The following ADAM32 variants were observed in gnomAD, a reference collection of about 807,000 sequenced individuals.
ADAM32 encodes the protein ADAM metallopeptidase domain 32.
A neutral mutation model predicts 114.9 loss-of-function variants in ADAM32; 89 were observed. The ratio of observed to expected loss-of-function variants is 0.77; its 90% confidence interval spans 0.65 to 0.92. The LOEUF (loss-of-function observed/expected upper bound fraction) is 0.92, where lower values mean the gene tolerates loss of function less well. Ranked by LOEUF, ADAM32 falls within the 40% of genes least tolerant of loss-of-function variation. The pLI is 0.00. For synonymous variants in ADAM32, 285 were observed against 307.5 expected (o/e 0.93, Z 0.77); for missense variants, 870 against 932.8 (o/e 0.93, Z 0.88).
At chr8:39,160,793 C>T in intron 6 of ADAM32, 104 bp from the exon 7 acceptor site, 1 of 979,460 alleles carries the variant, frequency 1.0e-6, no homozygotes. Context: ...AAGCAAACAC[C>T]TCTGCATATC....
chr8:39,138,301 C>T, intron 3 of ADAM32, among the ~76,000 whole-genome samples: 1 of 152,236 alleles, frequency 6.6e-6, no homozygotes, highest in South Asian at 2.1e-4. Context: ...TTAGGTATTT[C>T]TCCTAAAGCT....
intron 19 of ADAM32, among the ~76,000 whole-genome samples, chr8:39,268,396 T>G (rs920349037): frequency 6.6e-6 from 1 of 152,228 alleles, no homozygotes; most frequent in Non-Finnish European, 1.5e-5. Flanking sequence ...TCTGGAGAAA[T>G]GTCTATTCAA....
chr8:39,246,511 GT>G (rs1810935891), intron 17 of ADAM32, among the ~76,000 whole-genome samples: 1 of 152,094 alleles, frequency 6.6e-6, no homozygotes, highest in Non-Finnish European at 1.5e-5. Context: ...AAAAACTATT[GT>G]TTTATTTATC....
intron 1 of ADAM32, among the ~76,000 whole-genome samples, chr8:39,109,280 G>A (rs1316680370): frequency 6.6e-6 from 1 of 152,142 alleles, no homozygotes; most frequent in Non-Finnish European, 1.5e-5. Flanking sequence ...GGTGGCTCAC[G>A]CCTGTAATCC....
chr8:39,252,160 G>A (rs1246875615), intron 17 of ADAM32, among the ~76,000 whole-genome samples: 1 of 151,634 alleles, frequency 6.6e-6, no homozygotes, highest in Non-Finnish European at 1.5e-5. Context: ...TATGCATTTG[G>A]CTTTGTTCTT....
intron 19 of ADAM32, among the ~76,000 whole-genome samples, chr8:39,267,474 A>T (rs968627350): frequency 3.9e-5 from 6 of 152,106 alleles, no homozygotes; most frequent in African/African-American, 1.4e-4. Context: ...TAATTTTTTT[A>T]AATCTATTTA....
intron 22 of ADAM32, among the ~76,000 whole-genome samples, chr8:39,277,264 G>C (rs1054710287): frequency 6.6e-6 from 1 of 152,184 alleles, no homozygotes; most frequent in Non-Finnish European, 1.5e-5. Context: ...AATAGACATC[G>C]TTTAATTTGC....
chr8:39,120,356 GTAATTC>G (rs1327079232), intron 2 of ADAM32, among the ~76,000 whole-genome samples: 1 of 152,156 alleles, frequency 6.6e-6, no homozygotes, highest in East Asian at 1.9e-4. Flanking sequence ...GATGCTAAAG[GTAATTC>G]TAATGAAGGA....
chr8:39,283,389 T>G (rs1564751711), intron 23 of ADAM32, among the ~76,000 whole-genome samples, 197 bp from the exon 24 acceptor site: 1 of 121,092 alleles, frequency 8.3e-6, no homozygotes, highest in South Asian at 2.4e-4. Flanking sequence ...CTAACCTGAG[T>G]GGCAAAGTGA....
intron 19 of ADAM32, among the ~76,000 whole-genome samples, chr8:39,268,828 A>C (rs1812530527): frequency 6.6e-6 from 1 of 152,204 alleles, no homozygotes; most frequent in African/African-American, 2.4e-5. Flanking sequence ...TACACCATTG[A>C]TTTTAAACTT....
At chr8:39,161,206 C>T (rs770729373) in intron 7 of ADAM32, among the ~76,000 whole-genome samples, 3 of 152,150 alleles carry the variant, frequency 2.0e-5, no homozygotes, top group Non-Finnish European at 4.4e-5. Context: ...TTTTCCCTGG[C>T]ACTTCACATT....
intron 14 of ADAM32, among the ~76,000 whole-genome samples, chr8:39,229,296 C>T (rs1171469275): frequency 6.6e-6 from 1 of 151,968 alleles, no homozygotes; most frequent in Non-Finnish European, 1.5e-5. Flanking sequence ...ACAAAAAACC[C>T]AAAGCACAGA....
chr8:39,283,727 T>C, intron 24 of ADAM32, 103 bp downstream of exon 24: 2 of 882,744 alleles, frequency 2.3e-6, no homozygotes, highest in Non-Finnish European at 3.5e-6. Context: ...GGTAGATGAA[T>C]TGGTAAAGTA....
At chr8:39,269,660 T>C (rs1812586052) in intron 19 of ADAM32, among the ~76,000 whole-genome samples, 1 of 152,242 alleles carries the variant, frequency 6.6e-6, no homozygotes, top group African/African-American at 2.4e-5. Flanking sequence ...TCTTGCTGCG[T>C]GAATTCATGT....
rs567945304 is a variant in ADAM32 at position 39,110,221 on chromosome 8, A to G, written c.58+2388A>G. Among the ~76,000 whole-genome samples the G allele has an allele frequency of 2.7e-3, 414 of 152,246 alleles. 1 individual carries two copies. Among genetic ancestry groups the G allele is most frequent in the African/African-American group, 9.5e-3 (395 of 41,534 alleles). On this transcript the variant is annotated intron_variant, in intron 1 of 24. Coordinates refer to ENST00000379907, the MANE Select transcript of ADAM32 (RefSeq NM_145004.7). Reference sequence around the variant, plus strand: ...ATAGCTGGGATTACAGGTGCCTGCTACCATGCCCAGCTAATTTTTTTGTAT... The same window carrying G: ...ATAGCTGGGATTACAGGTGCCTGCTGCCATGCCCAGCTAATTTTTTTGTAT...
At chr8:39,114,824 G>A (rs750696182) in intron 1 of ADAM32, among the ~76,000 whole-genome samples, 24 of 152,160 alleles carry the variant, frequency 1.6e-4, no homozygotes, top group Admixed American at 1.4e-3. Flanking sequence ...TACTCAGGTA[G>A]TGAGCACAGT....
intron 17 of ADAM32, among the ~76,000 whole-genome samples, chr8:39,253,020 A>G (rs763820471): frequency 3.3e-5 from 5 of 151,710 alleles, no homozygotes; most frequent in Non-Finnish European, 5.9e-5. Context: ...GCAGGCTAAT[A>G]TATCTACAAA....
At chr8:39,132,068 T>A in intron 2 of ADAM32, 1 of 231,906 alleles carries the variant, frequency 4.3e-6, no homozygotes, top group South Asian at 3.8e-5. Context: ...TAATTTTGTA[T>A]TTTTAGTAGA....
intron 24 of ADAM32, 96 bp downstream of exon 24, chr8:39,283,720 A>C: frequency 1.1e-6 from 1 of 913,452 alleles, no homozygotes; most frequent in Non-Finnish European, 1.6e-6. Flanking sequence ...TGGACTGGGT[A>C]GATGAATTGG....
Sources: gnomAD v4.1 joint callset for allele counts (sites outside exome capture counted in the v4.1 genomes callset) on GRCh38, gnomAD v4.1.1 for gene constraint, MANE v1.5 for transcripts, NCBI Gene and HGNC (gene_info 2026-07-23, HGNC 2026-07-21) for gene names.